Variants in STIM2 observed in about 807,000 individuals in gnomAD.
The protein encoded by STIM2 is stromal interaction molecule 2.
In STIM2, 31 loss-of-function variants were observed where a neutral mutation model predicts 85.8. The ratio of observed to expected loss-of-function variants is 0.36; its 90% confidence interval spans 0.27 to 0.49. The LOEUF is 0.49. Ranked by LOEUF, STIM2 falls within the 20% of genes least tolerant of loss-of-function variation. The probability of loss-of-function intolerance (pLI) is 0.98; values close to 1 mark genes in which losing one functional copy is unlikely to be tolerated. For synonymous variants in STIM2, 356 were observed against 331.1 expected, an observed-to-expected ratio of 1.08 and a Z score of -0.82; for missense variants, 841 against 927.6, an observed-to-expected ratio of 0.91 and a Z score of 1.21.
At chr4:26,900,254 T>G (rs868747697) in intron 1 of STIM2, among the ~76,000 whole-genome samples, 3 of 152,168 alleles carry the variant, frequency 2.0e-5, no homozygotes, top group Admixed American at 1.3e-4. Context: ...GTGGGCTTTT[T>G]CAGTTTTGCC....
intron 2 of STIM2, among the ~76,000 whole-genome samples, chr4:26,945,795 T>C (rs1367679289): frequency 6.6e-6 from 1 of 152,118 alleles, no homozygotes; most frequent in Non-Finnish European, 1.5e-5. Flanking sequence ...TTAATGGGGT[T>C]TTTTTTTCTC....
At chr4:26,975,696 G>T (rs1727159149) in intron 3 of STIM2, among the ~76,000 whole-genome samples, 1 of 152,208 alleles carries the variant, frequency 6.6e-6, no homozygotes, top group Admixed American at 6.5e-5. Context: ...TCCCAGTTAG[G>T]CTACACAGGG....
At chr4:26,956,020 T>C (rs1170295344) in intron 2 of STIM2, among the ~76,000 whole-genome samples, 1 of 152,162 alleles carries the variant, frequency 6.6e-6, no homozygotes, top group African/African-American at 2.4e-5. Context: ...GAATTTGGTG[T>C]TTTGTCTGAA....
At chr4:26,959,425 C>T (rs553450153) in intron 3 of STIM2, among the ~76,000 whole-genome samples, 1 of 152,072 alleles carries the variant, frequency 6.6e-6, no homozygotes, top group South Asian at 2.1e-4. Flanking sequence ...CCCTTTTACT[C>T]ATTTTTTTTT....
chr4:26,955,062 T>C (rs1470832286), intron 2 of STIM2, among the ~76,000 whole-genome samples: 1 of 146,942 alleles, frequency 6.8e-6, no homozygotes, highest in Admixed American at 6.7e-5. Flanking sequence ...ATAAAATTTC[T>C]TAGAAATTTT....
chr4:26,975,658 T>C (rs929776788), intron 3 of STIM2, among the ~76,000 whole-genome samples: 1 of 152,132 alleles, frequency 6.6e-6, no homozygotes, highest in Admixed American at 6.5e-5. Context: ...GTATATGAGG[T>C]GTCTGTTGGC....
intron 1 of STIM2, among the ~76,000 whole-genome samples, chr4:26,918,852 G>A (rs1482411585): frequency 1.3e-5 from 2 of 152,152 alleles, no homozygotes; most frequent in East Asian, 1.9e-4. Flanking sequence ...CAGTAAATGT[G>A]TATTAAAGAT....
intron 3 of STIM2, among the ~76,000 whole-genome samples, chr4:26,976,840 G>A (rs1480115928): frequency 6.6e-6 from 1 of 152,130 alleles, no homozygotes; most frequent in Non-Finnish European, 1.5e-5. Flanking sequence ...TGTGAGACAG[G>A]ACAGGCATTA....
At position 26,861,230 on chromosome 4, in the gene STIM2, C is replaced by T. The variant is rs1722168312; in HGVS notation, c.12C>T (p.Leu4=). 1 of 1,493,214 alleles carries T rather than the reference C, an allele frequency of 6.7e-7. No individual in the cohort carries two copies. The highest frequency in any genetic ancestry group is 1.4e-5 in the African/African-American group (1 of 69,300). The allele number at this position is 1,493,214 out of a possible 1,614,324, so 92.5% of individuals were successfully genotyped here. The change falls in exon 1 of 12, where the codon CTC becomes CTT. Residue 4 remains leucine, a synonymous_variant. Coordinates refer to ENST00000467087, the MANE Select transcript of STIM2 (RefSeq NM_020860.4). ...GGCGCTGGGCTGCGTTGCTGGTGCTCGGGCTGCTGGTAGCCGGAGCGGCGG... is the reference window on the plus strand; with the variant it reads ...GGCGCTGGGCTGCGTTGCTGGTGCTTGGGCTGCTGGTAGCCGGAGCGGCGG...
intron 3 of STIM2, among the ~76,000 whole-genome samples, chr4:26,973,713 T>C (rs1178140794): frequency 6.6e-6 from 1 of 152,220 alleles, no homozygotes; most frequent in Non-Finnish European, 1.5e-5. Context: ...ATGTATGTTC[T>C]GTTGATTAGG....
At chr4:26,929,438 C>T (rs1248773663) in intron 2 of STIM2, among the ~76,000 whole-genome samples, 3 of 152,002 alleles carry the variant, frequency 2.0e-5, no homozygotes, top group African/African-American at 7.2e-5. Flanking sequence ...CCTTTACTGG[C>T]CTTCACTAGG....
chr4:26,941,416 A>G (rs1157699830), intron 2 of STIM2, among the ~76,000 whole-genome samples: 1 of 151,910 alleles, frequency 6.6e-6, no homozygotes, highest in African/African-American at 2.4e-5. Context: ...TCCCTTATCC[A>G]GTTCACTCTT....
intron 10 of STIM2, among the ~76,000 whole-genome samples, chr4:27,011,225 A>G (rs1032314940): frequency 9.9e-5 from 15 of 152,224 alleles, no homozygotes; most frequent in African/African-American, 3.6e-4. Context: ...AAGTGTATAT[A>G]AATGTTATCA....
chr4:27,008,848 A>G lies in STIM2; in HGVS notation c.1335A>G (p.Ile445Met). Residue 445 changes from isoleucine to methionine, a missense_variant, in exon 10 of 12, where the codon ATA (isoleucine) becomes ATG (methionine). Physicochemically the swap from Ile to Met is conservative, Grantham distance 10. Around this residue, in one of 3 missense-constraint regions of STIM2, gnomAD observed 408 missense variants for 525.4 expected, o/e 0.78. Coordinates refer to ENST00000467087, the MANE Select transcript of STIM2 (RefSeq NM_020860.4). ...TTGAGAAGATCTGTGGCTTTCAGAT[A>G]GCCCATAACTCAGGACTCCCCAGCC... 2 of 1,614,196 alleles carry G rather than the reference A, an allele frequency of 1.2e-6. No individual in the cohort carries two copies. Among genetic ancestry groups the G allele is most frequent in the Non-Finnish European group, 1.7e-6 (2 of 1,180,030 alleles).
At chr4:26,966,875 C>G (rs1577468301) in intron 3 of STIM2, among the ~76,000 whole-genome samples, 1 of 152,136 alleles carries the variant, frequency 6.6e-6, no homozygotes, top group African/African-American at 2.4e-5. Context: ...ATCTTTCTAT[C>G]TTTCTCATCT....
intron 2 of STIM2, among the ~76,000 whole-genome samples, chr4:26,957,049 G>T (rs1173264967): frequency 6.6e-6 from 1 of 152,098 alleles, no homozygotes; most frequent in Non-Finnish European, 1.5e-5. Context: ...TTCCCCTGCG[G>T]ATACCAAAAT....
chr4:27,022,931 C>T lies in STIM2; in HGVS notation c.2176C>T (p.His726Tyr), dbSNP rs892184465. 5.6e-6 allele frequency: 9 copies of T among 1,614,142 alleles called. No individual in the cohort carries two copies. Among genetic ancestry groups the T allele is most frequent in the Non-Finnish European group, 7.6e-6 (9 of 1,180,030 alleles). The stretch of plus-strand genomic sequence containing the variant: ...AAGCAGCATCCCACATGACCTTTGT[C>T]ATAATGGAGAGAAAAGCAAAAAGCC... Residue 726 changes from histidine to tyrosine, a missense_variant, in exon 12 of 12, where the codon CAT becomes TAT. Physicochemically the swap from His to Tyr is moderately conservative, Grantham distance 83. Coordinates refer to ENST00000467087, the MANE Select transcript of STIM2 (RefSeq NM_020860.4).
chr4:26,955,440 G>A (rs1399781265), intron 2 of STIM2, among the ~76,000 whole-genome samples: 1 of 148,120 alleles, frequency 6.8e-6, no homozygotes, highest in East Asian at 1.9e-4. Flanking sequence ...TTTCCTCCCT[G>A]CTATGTCCAT....
chr4:27,021,473 C>T, intron 11 of STIM2: 1 of 456,662 alleles, frequency 2.2e-6, no homozygotes, highest in Non-Finnish European at 4.4e-6. Flanking sequence ...CCTGAGGGGT[C>T]TCGAGGTTGG....
Sources: allele counts gnomAD v4.1 joint callset (sites outside exome capture counted in the v4.1 genomes callset), GRCh38; gene constraint gnomAD v4.1.1; regional missense constraint gnomAD v4.1.1; transcripts MANE v1.5; gene names NCBI Gene and HGNC (gene_info 2026-07-23, HGNC 2026-07-21).